NNMT: variants seen among roughly 807,000 people sequenced by gnomAD.
NNMT encodes nicotinamide N-methyltransferase.
In NNMT, 10 loss-of-function variants were observed where a neutral mutation model predicts 11.7. The ratio of observed to expected loss-of-function variants is 0.85; its 90% CI spans 0.53 to 1.45. NNMT has a LOEUF of 1.45. Ranked by LOEUF, NNMT falls within the 40% of genes most tolerant of loss-of-function variation. The pLI is 0.00. For missense variants in NNMT, 381 were observed against 319.4 expected (o/e 1.19, Z -1.47); for synonymous variants, 143 against 133.8 (o/e 1.07, Z -0.48).
chr11:114,303,211 A>G (rs560520642), intron 2 of NNMT, among the ~76,000 whole-genome samples: 5 of 152,248 alleles, frequency 3.3e-5, no homozygotes, highest in South Asian at 4.1e-4. Flanking sequence ...TTATTTTAGT[A>G]TTAGTTATAA....
chr11:114,311,329 C>T (rs1036276300), intron 2 of NNMT, among the ~76,000 whole-genome samples: 3 of 152,202 alleles, frequency 2.0e-5, no homozygotes, highest in Non-Finnish European at 4.4e-5. Flanking sequence ...GACCCTGTCT[C>T]TAGAAACAAA....
chr11:114,287,311 T>C (rs1176947324), intron 2 of NNMT, among the ~76,000 whole-genome samples: 4 of 152,188 alleles, frequency 2.6e-5, no homozygotes. Context: ...TAAGAAATCG[T>C]TATCTGCACC....
rs762229017 is a variant in NNMT at position 114,296,512 on chromosome 11, A to G, written c.-45A>G. ...AGGGTCACTCCCTGGCTTCTGGAGG[A>G]AAGAGAAGGAGGGCAGTGCTCCAGT... On this transcript the variant is annotated 5_prime_UTR_variant, in exon 1 of 3. Transcript: ENST00000299964. 2.5e-6 allele frequency: 4 copies of G among 1,598,468 alleles called. No homozygotes were observed. Among genetic ancestry groups the G allele is most frequent in the Admixed American group, 3.4e-5 (2 of 58,744 alleles).
chr11:114,300,877 G>A (rs1056799404), intron 2 of NNMT, among the ~76,000 whole-genome samples: 1 of 152,082 alleles, frequency 6.6e-6, no homozygotes, highest in African/African-American at 2.4e-5. Context: ...ATGGTGTGGT[G>A]GGCAGCCTCT....
At chr11:114,286,212 C>T (rs1945298241) in intron 2 of NNMT, among the ~76,000 whole-genome samples, 2 of 152,302 alleles carry the variant, frequency 1.3e-5, no homozygotes, top group South Asian at 4.1e-4. Flanking sequence ...GACTTGATCT[C>T]TAAATTTGTG....
intron 2 of NNMT, among the ~76,000 whole-genome samples, chr11:114,284,507 A>G (rs1001621042): frequency 1.3e-5 from 2 of 152,136 alleles, no homozygotes; most frequent in African/African-American, 4.8e-5. Flanking sequence ...AGTCTTGTCC[A>G]GGCTGGAGTG....
At chr11:114,285,689 T>C (rs1945293162) in intron 2 of NNMT, among the ~76,000 whole-genome samples, 1 of 152,226 alleles carries the variant, frequency 6.6e-6, no homozygotes, top group African/African-American at 2.4e-5. Context: ...AATTCTTTCC[T>C]GGCGACTCAC....
exon 2 of NNMT, chr11:114,262,894 G>A (rs2135240668): frequency 6.6e-6 from 1 of 152,394 alleles, no homozygotes; most frequent in Middle Eastern, 3.4e-3. Flanking sequence ...GAGCTGGAGG[G>A]AAAGAGGAAG....
chr11:114,289,271 T>C (rs1416227960), intron 2 of NNMT, among the ~76,000 whole-genome samples: 1 of 152,188 alleles, frequency 6.6e-6, no homozygotes. Flanking sequence ...ATATGAGCCT[T>C]CTCTCTTTTT....
intron 2 of NNMT, among the ~76,000 whole-genome samples, chr11:114,306,563 A>G (rs1460984651): frequency 6.6e-6 from 1 of 152,180 alleles, no homozygotes; most frequent in East Asian, 1.9e-4. Context: ...AACTTTCTAC[A>G]TATGGCTAGC....
intron 2 of NNMT, among the ~76,000 whole-genome samples, chr11:114,285,721 G>A (rs914451957): frequency 2.0e-5 from 3 of 152,216 alleles, no homozygotes; most frequent in Admixed American, 2.0e-4. Context: ...GGTATGGTTT[G>A]AGCAGAGAAA....
intron 1 of NNMT, among the ~76,000 whole-genome samples, chr11:114,259,667 G>A (rs370225450): frequency 3.3e-5 from 5 of 151,876 alleles, no homozygotes; most frequent in South Asian, 2.1e-4. Flanking sequence ...TCCAGGCTGC[G>A]TTTTCTGCAC....
intron 2 of NNMT, among the ~76,000 whole-genome samples, chr11:114,273,794 C>T (rs1178127424): frequency 3.9e-5 from 6 of 151,982 alleles, no homozygotes; most frequent in African/African-American, 1.5e-4. Context: ...GAGCTGAGAT[C>T]GCTCCATTGC....
intron 2 of NNMT, among the ~76,000 whole-genome samples, chr11:114,308,355 A>T (rs1396987021): frequency 3.3e-5 from 5 of 152,120 alleles, no homozygotes; most frequent in African/African-American, 1.2e-4. Flanking sequence ...TGTGAGGACA[A>T]TGAAAAACAG....
chr11:114,288,451 T>TAAA (rs1945313750), intron 2 of NNMT, among the ~76,000 whole-genome samples: 1 of 152,166 alleles, frequency 6.6e-6, no homozygotes, highest in Non-Finnish European at 1.5e-5. Flanking sequence ...CTTTTTTTTT[T>TAAA]TTCTGCATCT....
At chr11:114,297,900 C>A in intron 1 of NNMT, 51 bp from the exon 2 acceptor site, 1 of 1,498,174 alleles carries the variant, frequency 6.7e-7, no homozygotes, top group Non-Finnish European at 9.3e-7. Flanking sequence ...TGACTCTGCC[C>A]ACTGCCATGA....
rs757636330 is a variant in NNMT at position 114,298,002 on chromosome 11, A to G, written c.206A>G (p.Tyr69Cys). ...LIDIGSGPTI[Y>C]QLLSACESFK... is the part of the protein sequence containing the mutation. Reference sequence around the variant, plus strand: ...GACATCGGCTCTGGCCCCACTATCTATCAGCTCCTCTCTGCTTGTGAATCC... The same window carrying G: ...GACATCGGCTCTGGCCCCACTATCTGTCAGCTCCTCTCTGCTTGTGAATCC... Residue 69 changes from tyrosine to cysteine, a missense_variant, in exon 2 of 3, where the codon TAT becomes TGT. By Grantham distance (194) the Tyr-to-Cys change is radical. Coordinates refer to ENST00000299964, the MANE Select transcript of NNMT (RefSeq NM_006169.3). The G allele has an allele frequency of 1.2e-6, 2 of 1,613,776 alleles. No individual in the cohort carries two copies. Among genetic ancestry groups the G allele is most frequent in the Admixed American group, 1.7e-5 (1 of 60,014 alleles).
intron 2 of NNMT, among the ~76,000 whole-genome samples, chr11:114,290,892 C>G (rs908658143): frequency 2.6e-5 from 4 of 152,212 alleles, no homozygotes; most frequent in Admixed American, 1.3e-4. Context: ...CTCTTGTCTT[C>G]TAGCAAGCTT....
intron 2 of NNMT, among the ~76,000 whole-genome samples, chr11:114,274,838 A>G (rs1429207422): frequency 6.6e-6 from 1 of 152,252 alleles, no homozygotes; most frequent in Non-Finnish European, 1.5e-5. Context: ...TGTTGTTCCA[A>G]TTGCAACCTC....
Sources: gnomAD v4.1 joint callset for allele counts (sites outside exome capture counted in the v4.1 genomes callset) on GRCh38, gnomAD v4.1.1 for gene constraint, MANE v1.5 for transcripts, NCBI Gene and HGNC (gene_info 2026-07-23, HGNC 2026-07-21) for gene names.